Variants in ADH7 observed in about 807,000 individuals in gnomAD.
ADH7 encodes the protein alcohol dehydrogenase 7 (class IV), mu or sigma polypeptide.
Under a neutral mutation model 34.4 loss-of-function variants are expected in ADH7, and 41 were observed. That is an observed-to-expected ratio of 1.19 (90% confidence interval 0.93 to 1.55). ADH7 has a LOEUF of 1.55. ADH7 is among the 40% of genes most tolerant of loss of function. The probability of loss-of-function intolerance (pLI) is 0.00; values close to 1 mark genes in which losing one functional copy is unlikely to be tolerated. For missense variants in ADH7, 540 were observed against 461.2 expected (o/e 1.17, Z -1.56); for synonymous variants, 180 against 160.9 (o/e 1.12, Z -0.90).
chr4:99,422,652 G>C (rs538108305), intron 5 of ADH7, among the ~76,000 whole-genome samples: 6 of 152,008 alleles, frequency 3.9e-5, no homozygotes, highest in Non-Finnish European at 5.9e-5. Context: ...ATAACTCTGA[G>C]TCATTTGTAA....
intron 5 of ADH7, among the ~76,000 whole-genome samples, chr4:99,426,266 A>G (rs1332686406): frequency 6.6e-6 from 1 of 152,152 alleles, no homozygotes; most frequent in Non-Finnish European, 1.5e-5. Context: ...TTAATGAATC[A>G]TGGAGCTGGT....
chr4:99,427,210 A>G (rs1721830052), intron 5 of ADH7, among the ~76,000 whole-genome samples: 1 of 152,190 alleles, frequency 6.6e-6, no homozygotes, highest in Non-Finnish European at 1.5e-5. Context: ...GGTGAACAGT[A>G]ACAGCATTAC....
At chr4:99,432,127 T>C (rs1579581627) in intron 1 of ADH7, among the ~76,000 whole-genome samples, 1 of 152,094 alleles carries the variant, frequency 6.6e-6, no homozygotes, top group East Asian at 1.9e-4. Context: ...CACAGAATAC[T>C]ATGCAGCCAT....
chr4:99,426,712 A>C lies in ADH7; in HGVS notation c.564+1061T>G, dbSNP rs542158474. ...GGAATCCTCCCTAACTCATTTTATG[A>C]GGCCAGCATCATCCTGATATCAAAG... On this transcript the variant is annotated intron_variant, in intron 5 of 8. Transcript: ENST00000437033. Among the ~76,000 whole-genome samples, 24 of 152,344 alleles carry C rather than the reference A, an allele frequency of 1.6e-4. No homozygotes were observed. In the East Asian group the frequency reaches 4.0e-3, roughly 26 times the overall value.
chr4:99,423,017 T>C (rs1423644833), intron 5 of ADH7, among the ~76,000 whole-genome samples: 2 of 106,566 alleles, frequency 1.9e-5, no homozygotes, highest in Non-Finnish European at 1.9e-5. Context: ...CCTAATGCTA[T>C]CCCTCCCCCC....
At chr4:99,424,162 C>A (rs1225875068) in intron 5 of ADH7, among the ~76,000 whole-genome samples, 2 of 152,186 alleles carry the variant, frequency 1.3e-5, no homozygotes, top group Non-Finnish European at 2.9e-5. Context: ...TTGTTTTTCT[C>A]AGGTTTGTCA....
intron 2 of ADH7, 21 bp from the exon 3 acceptor site, chr4:99,428,651 A>G: frequency 6.2e-7 from 1 of 1,605,312 alleles, no homozygotes; most frequent in East Asian, 2.2e-5. Flanking sequence ...AGACAAAAAC[A>G]TTGCACCAAT....
chr4:99,417,228 C>G (rs567547223), intron 7 of ADH7, among the ~76,000 whole-genome samples: 182 of 152,236 alleles, frequency 1.2e-3, no homozygotes, highest in Non-Finnish European at 1.6e-3. Flanking sequence ...TTTTATTTCT[C>G]TCTCAGAATA....
rs977859170 is a variant in ADH7, at chr4:99,412,618, C to G, written c.*530G>C. Reference sequence around the variant, plus strand: ...TTGAAAAATGTGCCCGTCCCTTAATCTTTTCTGTCTTTCTTAATCTAATCC... The same window carrying G: ...TTGAAAAATGTGCCCGTCCCTTAATGTTTTCTGTCTTTCTTAATCTAATCC... On this transcript the variant is annotated 3_prime_UTR_variant, in exon 9 of 9. Coordinates refer to ENST00000437033, the MANE Select transcript of ADH7 (RefSeq NM_000673.7). The G allele has an allele frequency of 2.0e-5, 3 of 152,118 alleles. No homozygotes were observed. Among genetic ancestry groups the G allele is most frequent in the Admixed American group, 6.6e-5 (1 of 15,264 alleles). The allele number at this position is 152,118 out of a possible 1,614,324, so 9.4% of individuals were successfully genotyped here.
At chr4:99,423,588 T>C (rs1721723435) in intron 5 of ADH7, among the ~76,000 whole-genome samples, 1 of 152,192 alleles carries the variant, frequency 6.6e-6, no homozygotes. Context: ...TGTGAGATGG[T>C]ATCTCATTGT....
intron 5 of ADH7, among the ~76,000 whole-genome samples, chr4:99,426,662 A>C (rs1189489884): frequency 6.6e-6 from 1 of 152,316 alleles, no homozygotes; most frequent in Non-Finnish European, 1.5e-5. Context: ...TCCTTCTGAA[A>C]CTATTCCAAT....
At chr4:99,415,134 G>A (rs1043433011) in intron 8 of ADH7, among the ~76,000 whole-genome samples, 4 of 152,226 alleles carry the variant, frequency 2.6e-5, no homozygotes, top group Non-Finnish European at 5.9e-5. Context: ...GGCTCTTCCC[G>A]CTTTGCTCGA....
chr4:99,429,747 A>C, intron 1 of ADH7, 114 bp from the exon 2 acceptor site: 1 of 724,034 alleles, frequency 1.4e-6, no homozygotes, highest in South Asian at 2.2e-5. Flanking sequence ...GTTTTCCAGA[A>C]TGATTTTCAT....
rs866658082 is a variant in ADH7, at chr4:99,420,651, C to A, written c.707G>T (p.Gly236Val). The A allele has an allele frequency of 5.6e-6, 9 of 1,613,792 alleles. No individual in the cohort carries two copies. In the Admixed American group the frequency reaches 1.3e-4, roughly 24 times the overall value. ...KDKFEKAMAV[G>V]ATECISPKDS... ...CTTGGGACTGATACACTCAGTGGCACCTACAGCCATGGCCTTCTCAAATTT... is the reference window on the plus strand; with the variant it reads ...CTTGGGACTGATACACTCAGTGGCAACTACAGCCATGGCCTTCTCAAATTT... The change falls in exon 6 of 9, where the codon GGT becomes GTT. Residue 236 changes from glycine to valine, a missense_variant. Gly to Val is a moderately radical substitution (Grantham distance 109, BLOSUM62 -3). Coordinates refer to ENST00000437033, the MANE Select transcript of ADH7 (RefSeq NM_000673.7).
intron 7 of ADH7, among the ~76,000 whole-genome samples, chr4:99,418,011 G>T (rs1721559126): frequency 6.6e-6 from 1 of 152,224 alleles, no homozygotes; most frequent in South Asian, 2.1e-4. Flanking sequence ...TTAAATCTCA[G>T]TTCTCAACTT....
chr4:99,430,450 G>T (rs1039351078), intron 1 of ADH7, among the ~76,000 whole-genome samples: 1 of 152,228 alleles, frequency 6.6e-6, no homozygotes, highest in African/African-American at 2.4e-5. Flanking sequence ...TAGAGAAATT[G>T]TTTCCACCTT....
chr4:99,420,676 T>G lies in ADH7; in HGVS notation c.682A>C (p.Lys228Gln), dbSNP rs752766164. Residue 228 changes from lysine (K) to glutamine (Q), a missense_variant, in exon 6 of 9, where the codon AAA becomes CAA. Lys to Gln is a moderately conservative substitution (Grantham distance 53). Coordinates refer to ENST00000437033, the MANE Select transcript of ADH7 (RefSeq NM_000673.7). ...CCTACAGCCATGGCCTTCTCAAATT[T>G]GTCTTTGTTGAGGTCAATCCCAATG... ...RIIGIDLNKD[K>Q]FEKAMAVGAT... 1.7e-5 allele frequency: 28 copies of G among 1,613,832 alleles called. No individual in the cohort carries two copies. Among genetic ancestry groups the G allele is most frequent in the Non-Finnish European group, 2.2e-5 (26 of 1,179,938 alleles).
intron 1 of ADH7, 193 bp downstream of exon 1, chr4:99,435,023 T>C (rs1180365915): frequency 2.0e-6 from 3 of 1,537,492 alleles, no homozygotes; most frequent in African/African-American, 2.7e-5. Flanking sequence ...TATTTCCAAC[T>C]TACCCCTGCT....
intron 5 of ADH7, among the ~76,000 whole-genome samples, chr4:99,426,190 G>C (rs1326700907): frequency 6.6e-6 from 1 of 151,898 alleles, no homozygotes; most frequent in Non-Finnish European, 1.5e-5. Flanking sequence ...GCTAGCAGAA[G>C]GCAAGAAATA....
Sources: gnomAD v4.1 joint callset for allele counts (sites outside exome capture counted in the v4.1 genomes callset) on GRCh38, gnomAD v4.1.1 for gene constraint, MANE v1.5 for transcripts, NCBI Gene and HGNC (gene_info 2026-07-23, HGNC 2026-07-21) for gene names.